The following CRLF3 variants were observed in gnomAD, a reference collection of about 807,000 sequenced individuals.
The protein encoded by CRLF3 is cytokine receptor-like factor 3.
CRLF3 carries 33 observed loss-of-function variants against 55.0 expected under a neutral mutation model. The ratio of observed to expected loss-of-function variants is 0.60; its 90% CI spans 0.46 to 0.80. CRLF3 has a LOEUF of 0.80. Among genes scored for constraint, CRLF3 ranks in the 30% least tolerant of loss-of-function variants. The pLI, the probability that CRLF3 is intolerant of heterozygous loss-of-function variation, is 0.00. For synonymous variants in CRLF3, 238 were observed against 196.8 expected (o/e 1.21, Z -1.75); for missense variants, 494 against 538.4 (o/e 0.92, Z 0.82).
At chr17:30,790,699 C>G (rs1971778389) in intron 6 of CRLF3, 1 of 147,916 alleles carries the variant, frequency 6.8e-6, no homozygotes, top group African/African-American at 2.5e-5. Flanking sequence ...TCACTGCAAC[C>G]TCCGCCTCCA....
chr17:30,788,221 A>T lies in CRLF3; in HGVS notation c.960-2190T>A, dbSNP rs76818372. On this transcript the variant is annotated intron_variant, in intron 6 of 7. Transcript: ENST00000324238. ...CAGGCGCCTGTAGTCCCAGCTACTC[A>T]GGAGGCTGAGGTGAGAGGGTCGCTT... Among the ~76,000 whole-genome samples, 1,083 of 151,682 alleles carry T rather than the reference A, an allele frequency of 7.1e-3. 42 individuals carry two copies. The highest frequency in any genetic ancestry group is 0.054 in the Admixed American group (816 of 15,218).
Position 30,782,732 on chromosome 17 carries a change from C to G in CRLF3, c.*1455G>C, listed in dbSNP as rs1597907187. 6.6e-6 allele frequency: 1 copy of G among 152,198 alleles called. No individual in the cohort carries two copies. The highest frequency in any genetic ancestry group is 1.9e-4 in the East Asian group (1 of 5,184). The allele number at this position is 152,198 out of a possible 1,614,324, so 9.4% of individuals were successfully genotyped here. ...TGATTCCTATGGCTGGACAAGGTAT[C>G]TACATTCTAGAACATCTTCTTAATC... On this transcript the variant is annotated 3_prime_UTR_variant, in exon 8 of 8. Transcript: ENST00000324238.
In CRLF3 at chr17:30,803,907, G is replaced by A. The variant is rs1404019320; in HGVS notation, c.331C>T (p.Arg111Ter). The A allele has an allele frequency of 7.5e-6, 12 of 1,610,496 alleles. No individual in the cohort carries two copies. Among genetic ancestry groups the A allele is most frequent in the East Asian group, 2.2e-5 (1 of 44,880 alleles). Residue 111 changes from arginine (R) to a stop codon, truncating the protein, a stop_gained, in exon 2 of 8, where the codon CGA (arginine) becomes TGA (stop). Coordinates refer to ENST00000324238, the MANE Select transcript of CRLF3 (RefSeq NM_015986.4). LOFTEE classifies it high-confidence loss of function. ...AGGCTCCCTGGTCCCCCACCTTCTC[G>A]GACTAAGTCCTCTGCAGTGTTGACT... is the stretch of plus-strand genomic sequence containing the variant. ...HGVNTAEDLVREGEIAMLGGV... is the reference protein window; with the variant it reads ...HGVNTAEDLV
intron 4 of CRLF3, 150 bp from the exon 5 acceptor site, chr17:30,793,822 T>G: frequency 1.6e-6 from 1 of 610,246 alleles, no homozygotes; most frequent in Non-Finnish European, 2.9e-6. Flanking sequence ...ATAGAAAATA[T>G]GCCATCACAT....
chr17:30,798,554 C>T (rs571317481), intron 2 of CRLF3, among the ~76,000 whole-genome samples: 1 of 152,154 alleles, frequency 6.6e-6, no homozygotes, highest in South Asian at 2.1e-4. Flanking sequence ...AAAACAGAGA[C>T]ATGGCCGGGT....
chr17:30,793,952 CT>C (rs1346140203), intron 4 of CRLF3, among the ~76,000 whole-genome samples: 1 of 152,098 alleles, frequency 6.6e-6, no homozygotes, highest in Non-Finnish European at 1.5e-5. Flanking sequence ...CATCCTCTTC[CT>C]TCCACCCCAC....
At chr17:30,788,659 G>A (rs199560555) in intron 6 of CRLF3, among the ~76,000 whole-genome samples, 1 of 132,686 alleles carries the variant, frequency 7.5e-6, no homozygotes, top group Non-Finnish European at 1.5e-5. Context: ...CCCGGCTAGA[G>A]TACAGTGGCG....
At chr17:30,793,846 CT>C (rs1047692930) in intron 4 of CRLF3, among the ~76,000 whole-genome samples, 174 bp from the exon 5 acceptor site, 13 of 148,236 alleles carry the variant, frequency 8.8e-5, no homozygotes, top group Non-Finnish European at 1.3e-4. Flanking sequence ...TATCTCCCTT[CT>C]TTTTTTTTTG....
chr17:30,797,477 G>T, intron 2 of CRLF3, 79 bp from the exon 3 acceptor site: 3 of 1,142,164 alleles, frequency 2.6e-6, no homozygotes, highest in Non-Finnish European at 2.6e-6. Flanking sequence ...GTCTGGGTGG[G>T]TCTCTAGCGT....
intron 1 of CRLF3, among the ~76,000 whole-genome samples, chr17:30,806,161 T>C (rs1904396657): frequency 6.6e-6 from 1 of 152,110 alleles, no homozygotes; most frequent in Admixed American, 6.6e-5. Context: ...GCTGGGACAA[T>C]GACTTAATCC....
At chr17:30,792,413 A>C in intron 6 of CRLF3, 27 bp downstream of exon 6, 1 of 1,590,336 alleles carries the variant, frequency 6.3e-7, no homozygotes, top group African/African-American at 1.3e-5. Context: ...TTCCTGAGGC[A>C]GGTGAGATGT....
chr17:30,815,767 C>A (rs1395078179), intron 1 of CRLF3, among the ~76,000 whole-genome samples: 3 of 149,708 alleles, frequency 2.0e-5, no homozygotes, highest in East Asian at 4.2e-4. Context: ...TGGTCTCGAA[C>A]TCCTGACCTC....
intron 1 of CRLF3, among the ~76,000 whole-genome samples, chr17:30,815,122 A>G (rs73271850): frequency 0.16 from 18,609 of 112,854 alleles, 1,358 homozygotes; most frequent in South Asian, 0.27. Flanking sequence ...GTCTTGCACT[A>G]TTGCCCAAGC....
At chr17:30,807,634 G>A (rs917598059) in intron 1 of CRLF3, among the ~76,000 whole-genome samples, 2 of 137,736 alleles carry the variant, frequency 1.5e-5, no homozygotes, top group Admixed American at 1.7e-4. Flanking sequence ...CTGGGTTCAA[G>A]AGATTCTCCT....
chr17:30,818,227 T>G (rs1320029115), intron 1 of CRLF3, among the ~76,000 whole-genome samples: 2 of 151,836 alleles, frequency 1.3e-5, no homozygotes, highest in African/African-American at 4.8e-5. Context: ...GCCATTGCAC[T>G]CCAGCCTGGG....
At chr17:30,791,850 T>TTG (rs1049067005) in intron 6 of CRLF3, among the ~76,000 whole-genome samples, 17 of 150,928 alleles carry the variant, frequency 1.1e-4, no homozygotes, top group African/African-American at 4.1e-4. Flanking sequence ...CTTTTTAATT[T>TTG]TGTGTGTGTG....
chr17:30,821,288 T>C (rs1198585579), intron 1 of CRLF3, among the ~76,000 whole-genome samples: 1 of 148,508 alleles, frequency 6.7e-6, no homozygotes, highest in Non-Finnish European at 1.5e-5. Flanking sequence ...TGCAGTGAGC[T>C]GAGATTGTGC....
chr17:30,787,862 G>C (rs1024115515), intron 6 of CRLF3, among the ~76,000 whole-genome samples: 1 of 152,100 alleles, frequency 6.6e-6, no homozygotes, highest in Non-Finnish European at 1.5e-5. Context: ...TTAGCTGGGT[G>C]TGGTAGTGGC....
At chr17:30,803,662 G>A (rs1016215754) in intron 2 of CRLF3, 4 of 481,854 alleles carry the variant, frequency 8.3e-6, no homozygotes, top group African/African-American at 7.8e-5. Context: ...TAACTCTCAT[G>A]AGATCTAATG....
Sources: allele counts gnomAD v4.1 joint callset (sites outside exome capture counted in the v4.1 genomes callset), GRCh38; gene constraint gnomAD v4.1.1; transcripts MANE v1.5; gene names NCBI Gene and HGNC (gene_info 2026-07-23, HGNC 2026-07-21).